The following PPFIA2 variants were observed in gnomAD, a reference collection of about 807,000 sequenced individuals.
The protein encoded by PPFIA2 is PPFI scaffold protein A2.
Under a neutral mutation model 175.5 loss-of-function variants are expected in PPFIA2, and 46 were observed. The observed-to-expected ratio is 0.26, with a 90% CI of 0.21 to 0.34. The LOEUF (loss-of-function observed/expected upper bound fraction) is 0.34. Among genes scored for constraint, PPFIA2 ranks in the 10% least tolerant of loss-of-function variants. PPFIA2 has a pLI of 1.00. For synonymous variants in PPFIA2, 568 were observed against 511.4 expected (o/e 1.11, Z -1.49); for missense variants, 1,179 against 1,506.1 (o/e 0.78, Z 3.60).
intron 15 of PPFIA2, among the ~76,000 whole-genome samples, chr12:81,362,487 T>TTTTA (rs1242644600): frequency 6.6e-6 from 1 of 151,502 alleles, no homozygotes; most frequent in Non-Finnish European, 1.5e-5. Context: ...CATTTTAATT[T>TTTTA]TTTATTGATT....
intron 4 of PPFIA2, among the ~76,000 whole-genome samples, chr12:81,522,463 G>A (rs1340963625): frequency 6.6e-6 from 1 of 152,054 alleles, no homozygotes; most frequent in Non-Finnish European, 1.5e-5. Context: ...TATACAGAGC[G>A]ATTTAAATAC....
rs550100756 is a variant in PPFIA2, at chr12:81,696,940, C to A, written c.250-20096G>T. 3.3e-5 allele frequency among the ~76,000 whole-genome samples: 5 copies of A among 151,880 alleles called. No homozygotes were observed. The South Asian group carries it at 6.2e-4, about 19-fold the overall frequency. On this transcript the variant is annotated intron_variant, in intron 3 of 32. Coordinates refer to ENST00000549396, the MANE Select transcript of PPFIA2 (RefSeq NM_003625.5). ...GAGTCCTACCTTTTGACCTTAATTT[C>A]TTTTCTCTTGAGAAATAGGTTTTTT...
chr12:81,376,814 C>T lies in PPFIA2; in HGVS notation c.985-872G>A, dbSNP rs192653227. On this transcript the variant is annotated intron_variant, in intron 9 of 32. Transcript: ENST00000549396. ...AAGGATCCTGGAATTGAGGAAATGG[C>T]TATAGTTTCCATATCTTATTATCCA... Among the ~76,000 whole-genome samples, 625 of 152,190 alleles carry T rather than the reference C, an allele frequency of 4.1e-3. 20 individuals carry two copies. The highest frequency in any genetic ancestry group is 0.037 in the Admixed American group (566 of 15,276).
intron 4 of PPFIA2, among the ~76,000 whole-genome samples, chr12:81,475,245 G>T (rs991152228): frequency 6.6e-6 from 1 of 152,116 alleles, no homozygotes; most frequent in Admixed American, 6.6e-5. Flanking sequence ...TAGAGACTGT[G>T]TATTTGTTAA....
chr12:81,672,329 C>T (rs2071578345), intron 4 of PPFIA2, among the ~76,000 whole-genome samples: 1 of 151,732 alleles, frequency 6.6e-6, no homozygotes, highest in Admixed American at 6.6e-5. Context: ...AACTCTAAGA[C>T]CATTTACAAT....
chr12:81,540,085 A>G (rs1405193846), intron 4 of PPFIA2, among the ~76,000 whole-genome samples: 1 of 151,976 alleles, frequency 6.6e-6, no homozygotes, highest in Non-Finnish European at 1.5e-5. Flanking sequence ...AGAAAGAGAA[A>G]GAGAGAGACC....
intron 4 of PPFIA2, among the ~76,000 whole-genome samples, chr12:81,667,464 G>C (rs2070562431): frequency 6.6e-6 from 1 of 151,898 alleles, no homozygotes; most frequent in Non-Finnish European, 1.5e-5. Context: ...CTCTACTTTG[G>C]TGCTCACACC....
intron 18 of PPFIA2, among the ~76,000 whole-genome samples, chr12:81,346,087 TA>T (rs1230722353): frequency 6.6e-6 from 1 of 152,190 alleles, no homozygotes; most frequent in African/African-American, 2.4e-5. Context: ...TTCTTTTACA[TA>T]AGTTTTATGG....
chr12:81,395,562 C>G (rs1299434865), intron 8 of PPFIA2, among the ~76,000 whole-genome samples: 1 of 151,960 alleles, frequency 6.6e-6, no homozygotes, highest in Non-Finnish European at 1.5e-5. Flanking sequence ...CTCTCTCTCT[C>G]TCTCTGGAAT....
intron 4 of PPFIA2, among the ~76,000 whole-genome samples, chr12:81,493,180 T>C (rs2059602246): frequency 6.6e-6 from 1 of 152,098 alleles, no homozygotes; most frequent in African/African-American, 2.4e-5. Context: ...TAAGTTAAGA[T>C]ACACATTTTT....
At chr12:81,326,855 T>C (rs1594852448) in intron 21 of PPFIA2, among the ~76,000 whole-genome samples, 2 of 152,162 alleles carry the variant, frequency 1.3e-5, no homozygotes, top group East Asian at 3.9e-4. Context: ...GGTAGAAAGA[T>C]TTAAGCTAAT....
Position 81,649,182 on chromosome 12 carries a change from A to G in PPFIA2, c.303+27609T>C, listed in dbSNP as rs140067751. 2.5e-4 allele frequency among the ~76,000 whole-genome samples: 38 copies of G among 152,300 alleles called. 1 individual carries two copies. The East Asian group carries it at 7.3e-3, about 29-fold the overall frequency. On this transcript the variant is annotated intron_variant, in intron 4 of 32. Coordinates refer to ENST00000549396, the MANE Select transcript of PPFIA2 (RefSeq NM_003625.5). ...ATAAAAAGGCATGCAACAGATTCAG[A>G]TAAAATATTTATAAAACACATATCT...
chr12:81,549,604 C>T (rs1338090305), intron 4 of PPFIA2, among the ~76,000 whole-genome samples: 2 of 151,986 alleles, frequency 1.3e-5, no homozygotes, highest in Non-Finnish European at 2.9e-5. Context: ...TCTTATCTCA[C>T]TAAATCCTTG....
Position 81,711,936 on chromosome 12 carries a change from G to GA in PPFIA2, c.250-35093dup, listed in dbSNP as rs762148195. Among the ~76,000 whole-genome samples the GA allele has an allele frequency of 9.3e-4, 135 of 145,426 alleles. 2 individuals carry two copies. The South Asian group carries it at 0.024, about 26-fold the overall frequency. ...CCATTTCTTATACTTCTGATACAAT[G>GA]AAAAAAAAAATTTCTTCAAAATTTT... On this transcript the variant is annotated intron_variant, in intron 3 of 32. Transcript: ENST00000549396.
chr12:81,704,615 G>T (rs1363149049), intron 3 of PPFIA2, among the ~76,000 whole-genome samples: 1 of 151,978 alleles, frequency 6.6e-6, no homozygotes, highest in African/African-American at 2.4e-5. Context: ...GACAAGTGCA[G>T]ACTTCACTAA....
intron 8 of PPFIA2, among the ~76,000 whole-genome samples, chr12:81,404,626 T>A (rs984110640): frequency 2.6e-5 from 4 of 152,190 alleles, no homozygotes; most frequent in South Asian, 4.1e-4. Flanking sequence ...AAGATTTCTA[T>A]AAAATACATG....
chr12:81,754,169 C>A lies in PPFIA2; in HGVS notation c.53G>T (p.Arg18Met). 6.2e-7 allele frequency: 1 copy of A among 1,611,920 alleles called. No individual in the cohort carries two copies. Among genetic ancestry groups the A allele is most frequent in the South Asian group, 1.1e-5 (1 of 90,588 alleles). The change falls in exon 3 of 33, where the codon AGG (arginine) becomes ATG (methionine). Residue 18 changes from arginine (R) to methionine (M), a missense_variant. Transcript: ENST00000549396. The part of the protein sequence containing the change: ...TINEDTPMSQ[R>M]GSQSSGSDSD... ...GTCCGAGCCACTGCTTTGGGACCCC[C>A]TTTGGCTCATTGGGGTGTCCTCATT...
chr12:81,417,094 T>A (rs2045417209), intron 7 of PPFIA2, among the ~76,000 whole-genome samples: 1 of 151,822 alleles, frequency 6.6e-6, no homozygotes, highest in African/African-American at 2.4e-5. Flanking sequence ...AAGATAAATC[T>A]GCCCTATTCT....
At chr12:81,556,192 T>A (rs1001535482) in intron 4 of PPFIA2, among the ~76,000 whole-genome samples, 1 of 151,986 alleles carries the variant, frequency 6.6e-6, no homozygotes, top group African/African-American at 2.4e-5. Flanking sequence ...TTCATCAAAA[T>A]GAAATGTTAT....
Sources: gnomAD v4.1 joint callset for allele counts (sites outside exome capture counted in the v4.1 genomes callset) on GRCh38, gnomAD v4.1.1 for gene constraint, MANE v1.5 for transcripts, NCBI Gene and HGNC (gene_info 2026-07-23, HGNC 2026-07-21) for gene names.